The following RUFY1 variants were observed in gnomAD, a reference collection of about 807,000 sequenced individuals.
RUFY1 encodes RUN and FYVE domain-containing protein 1.
A neutral mutation model predicts 94.6 loss-of-function variants in RUFY1; 54 were observed. The ratio of observed to expected loss-of-function variants is 0.57; its 90% CI spans 0.46 to 0.72. RUFY1 has a LOEUF of 0.72. Among genes scored for constraint, RUFY1 ranks in the 30% least tolerant of loss-of-function variants. RUFY1 has a pLI of 0.00. For missense variants in RUFY1, 883 were observed against 883.9 expected (o/e 1.00, Z 0.01); for synonymous variants, 396 against 347.3 (o/e 1.14, Z -1.56).
intron 5 of RUFY1, chr5:179,572,345 A>G (rs934879474): frequency 2.0e-5 from 4 of 195,648 alleles, no homozygotes; most frequent in Non-Finnish European, 4.4e-5. Context: ...CATGCCGAGG[A>G]TTTCCGCAAG....
At chr5:179,580,095 G>C (rs1158182763) in intron 6 of RUFY1, among the ~76,000 whole-genome samples, 2 of 151,918 alleles carry the variant, frequency 1.3e-5, no homozygotes, top group African/African-American at 4.8e-5. Context: ...ACGTAAGAAA[G>C]AATAAAGTGT....
At chr5:179,563,950 G>A (rs1762630678) in intron 3 of RUFY1, among the ~76,000 whole-genome samples, 1 of 151,962 alleles carries the variant, frequency 6.6e-6, no homozygotes, top group Non-Finnish European at 1.5e-5. Flanking sequence ...GGGATTACAG[G>A]CGTGAGCCAC....
At chr5:179,581,091 C>T (rs1562026055) in intron 7 of RUFY1, 79 bp downstream of exon 7, 6 of 825,988 alleles carry the variant, frequency 7.3e-6, no homozygotes, top group East Asian at 2.5e-5. Context: ...CGAGTTGCCA[C>T]GTATTTATAA....
rs529167457 is a variant in RUFY1 at position 179,582,693 on chromosome 5, A to G, written c.956+1681A>G. The stretch of plus-strand genomic sequence containing the variant: ...ACCCCATCTCTACTAAAAATACAAA[A>G]TTAGGCAGGCGTGGTGGTGCGTGCC... On this transcript the variant is annotated intron_variant, in intron 7 of 17. Transcript: ENST00000319449. Among the ~76,000 whole-genome samples the G allele has an allele frequency of 8.2e-4, 124 of 152,030 alleles. 1 individual carries two copies. Among genetic ancestry groups the G allele is most frequent in the African/African-American group, 2.8e-3 (114 of 41,454 alleles).
At chr5:179,600,313 G>A (rs1766216306) in intron 14 of RUFY1, among the ~76,000 whole-genome samples, 1 of 152,156 alleles carries the variant, frequency 6.6e-6, no homozygotes, top group Admixed American at 6.5e-5. Flanking sequence ...TTACTTTCTG[G>A]GTCTCCATCC....
At chr5:179,570,960 A>ATGTG (rs200858819) in intron 5 of RUFY1, among the ~76,000 whole-genome samples, 3 of 152,076 alleles carry the variant, frequency 2.0e-5, no homozygotes, top group African/African-American at 4.8e-5. Context: ...GTGTGCATGC[A>ATGTG]TGTGTGTGTG....
rs540438461 is a variant in RUFY1 at position 179,579,002 on chromosome 5, C to T, written c.890+1866C>T. Among the ~76,000 whole-genome samples the T allele has an allele frequency of 8.5e-4, 129 of 152,294 alleles. 1 individual carries two copies. The highest frequency in any genetic ancestry group is 3.7e-3 in the South Asian group (18 of 4,830). On this transcript the variant is annotated intron_variant, in intron 6 of 17. Transcript: ENST00000319449. ...CATATGTTTTACTTTCATATGTATG[C>T]ATGGAACATTTCTAGAGTGGCGTAT...
At chr5:179,589,351 G>A (rs2127552021) in intron 8 of RUFY1, 195 bp from the exon 9 acceptor site, 2 of 539,650 alleles carry the variant, frequency 3.7e-6, no homozygotes, top group Non-Finnish European at 6.7e-6. Flanking sequence ...CAAGGGCGGA[G>A]GAGAGATTTT....
chr5:179,597,719 TGAGAGAA>T (rs147242658), intron 13 of RUFY1, among the ~76,000 whole-genome samples: 13,519 of 152,084 alleles, frequency 0.089, 672 homozygotes, highest in Middle Eastern at 0.12. Context: ...AGCCTGATGT[TGAGAGAA>T]GAGAGAAGAG....
intron 5 of RUFY1, among the ~76,000 whole-genome samples, chr5:179,574,019 G>A (rs1763426155): frequency 6.6e-6 from 1 of 152,008 alleles, no homozygotes; most frequent in Non-Finnish European, 1.5e-5. Flanking sequence ...TTTACTGTTT[G>A]GAATTTTTGT....
chr5:179,603,240 G>A (rs1394363415), intron 15 of RUFY1, among the ~76,000 whole-genome samples: 1 of 147,392 alleles, frequency 6.8e-6, no homozygotes, highest in Non-Finnish European at 1.5e-5. Flanking sequence ...ACTCCAGCCT[G>A]GGCAACAAAA....
rs577037490 is a variant in RUFY1 at position 179,591,374 on chromosome 5, CG to C, written c.1129-247del. Among the ~76,000 whole-genome samples the C allele has an allele frequency of 4.6e-4, 70 of 151,676 alleles. No individual in the cohort carries two copies. In the South Asian group the frequency reaches 0.013, roughly 28 times the overall value. On this transcript the variant is annotated intron_variant, in intron 9 of 17. Coordinates refer to ENST00000319449, the MANE Select transcript of RUFY1 (RefSeq NM_025158.5). ...TAATTGTTTGTGTTTTTAGTAGAGACGGGGTTTCACCATGTTAGCCAGGATG... is the reference window on the plus strand; with the variant it reads ...TAATTGTTTGTGTTTTTAGTAGAGACGGGTTTCACCATGTTAGCCAGGATG...
intron 15 of RUFY1, 127 bp from the exon 16 acceptor site, chr5:179,605,749 A>G (rs989802988): frequency 2.5e-5 from 18 of 730,262 alleles, no homozygotes; most frequent in Admixed American, 1.5e-4. Context: ...CATTTTAACA[A>G]CTCACGTTCT....
rs1228880111 is a variant in RUFY1, at chr5:179,601,522, C to CTT, written c.1762-357_1762-356dup. 7.3e-3 allele frequency among the ~76,000 whole-genome samples: 1,037 copies of CTT among 141,948 alleles called. 14 individuals are homozygous for CTT. Among genetic ancestry groups the CTT allele is most frequent in the African/African-American group, 0.025 (987 of 39,022 alleles). 93.1% of individuals were successfully genotyped at this position (141,948 alleles called of 152,430 possible). ...CTGCTTGTTGCTCTGGTTGCTGAAT[C>CTT]TTTTTTTTTTTTTTAAAGGCCAGTG... On this transcript the variant is annotated intron_variant, in intron 14 of 17. Transcript: ENST00000319449.
chr5:179,551,656 C>T (rs1317547624), intron 1 of RUFY1, among the ~76,000 whole-genome samples: 1 of 149,276 alleles, frequency 6.7e-6, no homozygotes, highest in Non-Finnish European at 1.5e-5. Context: ...CCACCACGCT[C>T]GGCTAAGTTC....
intron 5 of RUFY1, 34 bp downstream of exon 5, chr5:179,569,459 TC>T (rs780025658): frequency 6.8e-5 from 110 of 1,609,484 alleles, no homozygotes; most frequent in African/African-American, 6.7e-5. Context: ...ATGAACACTT[TC>T]GTTAGTCCAG....
intron 8 of RUFY1, 63 bp from the exon 9 acceptor site, chr5:179,589,483 T>G (rs1764862713): frequency 9.4e-7 from 1 of 1,067,434 alleles, no homozygotes; most frequent in Non-Finnish European, 1.4e-6. Flanking sequence ...CAAATTAATG[T>G]TTTTAATTTG....
At chr5:179,592,988 G>A (rs1581522333) in intron 10 of RUFY1, among the ~76,000 whole-genome samples, 1 of 152,194 alleles carries the variant, frequency 6.6e-6, no homozygotes. Flanking sequence ...TAACCGTGCA[G>A]TGAGGAAAAG....
At chr5:179,578,877 C>T (rs1056769734) in intron 6 of RUFY1, among the ~76,000 whole-genome samples, 6 of 152,040 alleles carry the variant, frequency 3.9e-5, no homozygotes, top group African/African-American at 1.5e-4. Flanking sequence ...CTTCCAACCT[C>T]AGATGATCCG....
Sources: gnomAD v4.1 joint callset for allele counts (sites outside exome capture counted in the v4.1 genomes callset) on GRCh38, gnomAD v4.1.1 for gene constraint, MANE v1.5 for transcripts, NCBI Gene and HGNC (gene_info 2026-07-23, HGNC 2026-07-21) for gene names.